Variants in TWIST2 observed in about 807,000 individuals in gnomAD.
The protein encoded by TWIST2 is twist-related protein 2.
Under a neutral mutation model 11.6 loss-of-function variants are expected in TWIST2, and 1 was observed. That is an observed-to-expected ratio of 0.09 (90% CI 0.03 to 0.41). TWIST2 has a LOEUF of 0.41. Ranked by LOEUF, TWIST2 falls within the 10% of genes least tolerant of loss-of-function variation. The pLI, the probability that TWIST2 is intolerant of heterozygous loss-of-function variation, is 0.98. For synonymous variants in TWIST2, 87 were observed against 96.6 expected, an observed-to-expected ratio of 0.90 and a Z score of 0.58; for missense variants, 168 against 226.4, an observed-to-expected ratio of 0.74 and a Z score of 1.66.
chr2:238,890,808 G>C (rs561157861), intron 1 of TWIST2, among the ~76,000 whole-genome samples: 52 of 152,292 alleles, frequency 3.4e-4, no homozygotes, highest in African/African-American at 1.2e-3. Flanking sequence ...TCGCATCAAA[G>C]ACAGCCTGAG....
Sources: gnomAD v4.1 joint callset for allele counts (sites outside exome capture counted in the v4.1 genomes callset) on GRCh38, gnomAD v4.1.1 for gene constraint, MANE v1.5 for transcripts, NCBI Gene and HGNC (gene_info 2026-07-23, HGNC 2026-07-21) for gene names.